EIF1AD: variants seen among roughly 807,000 people sequenced by gnomAD.
EIF1AD encodes eukaryotic translation initiation factor 1A domain containing.
In EIF1AD, 9 loss-of-function variants were observed where a neutral mutation model predicts 21.7. The ratio of observed to expected loss-of-function variants is 0.41; its 90% confidence interval spans 0.25 to 0.72. EIF1AD has a LOEUF of 0.72. EIF1AD is among the 30% of genes least tolerant of loss of function. The pLI is 0.29. For missense variants in EIF1AD, 164 were observed against 199.7 expected, an observed-to-expected ratio of 0.82 and a Z score of 1.08; for synonymous variants, 78 against 70.9, an observed-to-expected ratio of 1.10 and a Z score of -0.50.
rs1855790512 is a variant in EIF1AD at position 65,997,954 on chromosome 11, T to C, written c.*645A>G. On this transcript the variant is annotated 3_prime_UTR_variant, in exon 6 of 6. Coordinates refer to ENST00000533544, the MANE Select transcript of EIF1AD (RefSeq NM_001242481.2). ...GGACCATTCAAAACAAAGTTAAGGA[T>C]AGAGAGATTTGCCAGCCACCTTCTG... The C allele has an allele frequency of 6.6e-6, 1 of 152,162 alleles. No individual in the cohort carries two copies. Among genetic ancestry groups the C allele is most frequent in the African/African-American group, 2.4e-5 (1 of 41,354 alleles). The allele number at this position is 152,162 out of a possible 1,614,324, so 9.4% of individuals were successfully genotyped here. A position where few individuals can be genotyped will look rare whatever the true frequency, so the allele number is the denominator to read the frequency against.
chr11:65,998,470 T>C lies in EIF1AD; in HGVS notation c.*129A>G. 2.6e-6 allele frequency: 3 copies of C among 1,161,298 alleles called. No individual in the cohort carries two copies. The highest frequency in any genetic ancestry group is 3.5e-6 in the Non-Finnish European group (3 of 847,568). 71.9% of individuals were successfully genotyped at this position (1,161,298 alleles called of 1,614,324 possible). ...GGGTTTAATTCTCTGAATCAAAAGA[T>C]CAGTTCAGAGAGGAGCCCTGCTTTG... On this transcript the variant is annotated 3_prime_UTR_variant, in exon 6 of 6. Transcript: ENST00000533544.
Position 65,999,613 on chromosome 11 carries a change from C to T in EIF1AD, c.259G>A (p.Val87Met). 1 of 1,614,054 alleles carries T rather than the reference C, an allele frequency of 6.2e-7. No individual in the cohort carries two copies. Among genetic ancestry groups the T allele is most frequent in the Non-Finnish European group, 8.5e-7 (1 of 1,180,022 alleles). The change falls in exon 4 of 6, where the codon GTG (valine) becomes ATG (methionine). Residue 87 changes from valine (V) to methionine (M), a missense_variant. Transcript: ENST00000533544. ...GAGCGCACGTGGTCCTTGCAGAGCA[C>T]AAACGAGATTTCAGCCTTCACCTTT... is the stretch of plus-strand genomic sequence containing the variant. ...GEKVKAEISF[V>M]LCKDHVRSLQ... is the part of the protein sequence containing the mutation.
intron 1 of EIF1AD, among the ~76,000 whole-genome samples, 159 bp downstream of exon 1, chr11:66,001,751 T>G (rs1855980841): frequency 6.6e-6 from 1 of 152,198 alleles, no homozygotes; most frequent in Admixed American, 6.5e-5. Context: ...AGCAGGCTTG[T>G]CTGCGACATT....
Position 65,998,521 on chromosome 11 carries a change from AGAG to A in EIF1AD, c.*75_*77del. The A allele has an allele frequency of 6.4e-7, 1 of 1,554,686 alleles. No individual in the cohort carries two copies. Among genetic ancestry groups the A allele is most frequent in the East Asian group, 2.2e-5 (1 of 44,462 alleles). On this transcript the variant is annotated 3_prime_UTR_variant, in exon 6 of 6. Transcript: ENST00000533544. ...TCCTCATGCAGGGGTGAAGATGTGCAGAGCACCCTGGGAATGTCCAAGCCCAGA... is the reference window on the plus strand; with the variant it reads ...TCCTCATGCAGGGGTGAAGATGTGCACACCCTGGGAATGTCCAAGCCCAGA...
rs77406922 is a variant in EIF1AD at position 65,998,777 on chromosome 11, C to T, written c.354-34G>A. 2.7e-3 allele frequency: 4,393 copies of T among 1,600,282 alleles called. 108 individuals carry two copies. The African/African-American group carries it at 0.053, about 19-fold the overall frequency. Reference sequence around the variant, plus strand: ...AGGGAAGAGAGCAGGGTTAGCCCAGCGCCTTCTGGGAAAATAATATCTACA... The same window carrying T: ...AGGGAAGAGAGCAGGGTTAGCCCAGTGCCTTCTGGGAAAATAATATCTACA... On this transcript the variant is annotated intron_variant, in intron 5 of 5. Coordinates refer to ENST00000533544, the MANE Select transcript of EIF1AD (RefSeq NM_001242481.2).
chr11:66,000,891 G>C (rs1370525779), intron 1 of EIF1AD: 1 of 160,452 alleles, frequency 6.2e-6, no homozygotes, highest in African/African-American at 2.4e-5. Context: ...CATTGTATGA[G>C]AAAGCACTGT....
At position 65,998,551 on chromosome 11, in the gene EIF1AD, G is replaced by A; in HGVS notation, c.*48C>T. Reference sequence around the variant, plus strand: ...ACCCTGGGAATGTCCAAGCCCAGAAGAGCCAGGGGCCAGTCCCTGAGCAAG... The same window carrying A: ...ACCCTGGGAATGTCCAAGCCCAGAAAAGCCAGGGGCCAGTCCCTGAGCAAG... On this transcript the variant is annotated 3_prime_UTR_variant, in exon 6 of 6. Transcript: ENST00000533544. 1.9e-6 allele frequency: 3 copies of A among 1,603,226 alleles called. No individual in the cohort carries two copies. Among genetic ancestry groups the A allele is most frequent in the Non-Finnish European group, 2.6e-6 (3 of 1,174,858 alleles).
chr11:66,001,058 G>C (rs1441969072), intron 1 of EIF1AD, among the ~76,000 whole-genome samples: 3 of 152,034 alleles, frequency 2.0e-5, no homozygotes, highest in South Asian at 4.2e-4. Context: ...CTTAAGACAC[G>C]AGTCTGCCGA....
In EIF1AD at chr11:65,996,748, T is replaced by C. The variant is rs1855738121; in HGVS notation, c.*1851A>G. 1 of 152,074 alleles carries C rather than the reference T, an allele frequency of 6.6e-6. No homozygotes were observed. The allele number at this position is 152,074 out of a possible 1,614,324, so 9.4% of individuals were successfully genotyped here. The stretch of plus-strand genomic sequence containing the variant: ...CACGCCTGTTTCAGAAATGGGAGAT[T>C]CTACAGCACGCTCGACACTAACACA... On this transcript the variant is annotated 3_prime_UTR_variant, in exon 6 of 6. Transcript: ENST00000533544.
Position 65,999,625 on chromosome 11 carries a change from C to G in EIF1AD, c.247G>C (p.Glu83Gln). Residue 83 changes from glutamate (E) to glutamine (Q), a missense_variant, in exon 4 of 6, where the codon GAA (glutamate) becomes CAA (glutamine). Physicochemically the swap from Glu to Gln is conservative, Grantham distance 29. Transcript: ENST00000533544. ...TCCTTGCAGAGCACAAACGAGATTT[C>G]AGCCTTCACCTTTTCTCCCTCTTCA... Reference protein sequence around the residue: ...PIEEGEKVKAEISFVLCKDHV... With the variant: ...PIEEGEKVKAQISFVLCKDHV... 1 of 1,614,072 alleles carries G rather than the reference C, an allele frequency of 6.2e-7. No individual in the cohort carries two copies. Among genetic ancestry groups the G allele is most frequent in the Non-Finnish European group, 8.5e-7 (1 of 1,180,030 alleles).
intron 3 of EIF1AD, 80 bp downstream of exon 3, chr11:65,999,970 CATT>C: frequency 1.8e-6 from 2 of 1,130,004 alleles, no homozygotes; most frequent in South Asian, 1.3e-5. Flanking sequence ...GACAAGGTCT[CATT>C]ATGCTGCCCA....
At chr11:66,000,204 A>G (rs375615308) in intron 2 of EIF1AD, 43 bp from the exon 3 acceptor site, 9 of 1,607,534 alleles carry the variant, frequency 5.6e-6, no homozygotes, top group African/African-American at 2.7e-5. Flanking sequence ...CAGTCAGATC[A>G]AACACCCTCT....
In EIF1AD at chr11:65,997,571, T is replaced by A. The variant is rs1194437801; in HGVS notation, c.*1028A>T. On this transcript the variant is annotated 3_prime_UTR_variant, in exon 6 of 6. Coordinates refer to ENST00000533544, the MANE Select transcript of EIF1AD (RefSeq NM_001242481.2). ...CCAGAGTAGATCTGCTGGGCAGTGC[T>A]TAGTGTCCATCTGAGGTTTGTAATG... The A allele has an allele frequency of 6.6e-6, 1 of 152,202 alleles. No homozygotes were observed. Among genetic ancestry groups the A allele is most frequent in the Non-Finnish European group, 1.5e-5 (1 of 68,058 alleles). The allele number at this position is 152,202 out of a possible 1,614,324, so 9.4% of individuals were successfully genotyped here.
Position 66,000,335 on chromosome 11 carries a change from T to C in EIF1AD, c.55A>G (p.Ile19Val), listed in dbSNP as rs1183085014. The change falls in exon 2 of 6, where the codon ATA becomes GTA. Residue 19 changes from isoleucine to valine, a missense_variant. By Grantham distance (29) the Ile-to-Val change is conservative. Coordinates refer to ENST00000533544, the MANE Select transcript of EIF1AD (RefSeq NM_001242481.2). Reference protein sequence around the residue: ...HVVKEVLGEHIVPSDQQQIVR... With the variant: ...HVVKEVLGEHVVPSDQQQIVR... ...ATCTGCTGCTGGTCGGAGGGCACTA[T>C]GTGCTCCCCTAGCACCTCCTTCACC... The C allele has an allele frequency of 3.1e-6, 5 of 1,613,376 alleles. No individual in the cohort carries two copies. Among genetic ancestry groups the C allele is most frequent in the Admixed American group, 1.7e-5 (1 of 59,938 alleles).
Position 65,998,673 on chromosome 11 carries a change from C to G in EIF1AD, c.424G>C (p.Asp142His). ...CTGCGGTTTGTGTTAACAAACAGGTCAGAATCATCTTCTGAGCTGGACTCC... is the reference window on the plus strand; with the variant it reads ...CTGCGGTTTGTGTTAACAAACAGGTGAGAATCATCTTCTGAGCTGGACTCC... ...GEESSSEDDS[D>H]LFVNTNRRQY... Residue 142 changes from aspartate to histidine, a missense_variant, in exon 6 of 6, where the codon GAC (aspartate) becomes CAC (histidine). Asp to His is a moderately conservative substitution (Grantham distance 81, BLOSUM62 -1). Coordinates refer to ENST00000533544, the MANE Select transcript of EIF1AD (RefSeq NM_001242481.2). 4 of 1,614,168 alleles carry G rather than the reference C, an allele frequency of 2.5e-6. No homozygotes were observed. The highest frequency in any genetic ancestry group is 3.4e-6 in the Non-Finnish European group (4 of 1,180,040).
At position 65,996,938 on chromosome 11, in the gene EIF1AD, C is replaced by G. The variant is rs995540115; in HGVS notation, c.*1661G>C. The G allele has an allele frequency of 2.6e-5, 4 of 152,396 alleles. No homozygotes were observed. The highest frequency in any genetic ancestry group is 2.0e-4 in the Admixed American group (3 of 15,294). The allele number at this position is 152,396 out of a possible 1,614,324, so 9.4% of individuals were successfully genotyped here. On this transcript the variant is annotated 3_prime_UTR_variant, in exon 6 of 6. Coordinates refer to ENST00000533544, the MANE Select transcript of EIF1AD (RefSeq NM_001242481.2). ...GGGCACAGTGGCTCACACCTGTAAT[C>G]CCAGCACTCTAGGAGGCCAAGGTGG...
intron 5 of EIF1AD, 151 bp downstream of exon 5, chr11:65,999,199 A>C: frequency 9.3e-7 from 1 of 1,078,408 alleles, no homozygotes; most frequent in East Asian, 2.4e-5. Flanking sequence ...CTGACCTTCA[A>C]ACCCCATTCA....
chr11:65,998,111 C>A lies in EIF1AD; in HGVS notation c.*488G>T. On this transcript the variant is annotated 3_prime_UTR_variant, in exon 6 of 6. Coordinates refer to ENST00000533544, the MANE Select transcript of EIF1AD (RefSeq NM_001242481.2). ...GAACAGCACGAGGCACCATGGGCTC[C>A]TGAGCGTCTCTTAGAGGCAGGTGGG... 1 of 154,258 alleles carries A rather than the reference C, an allele frequency of 6.5e-6. No homozygotes were observed. The highest frequency in any genetic ancestry group is 1.4e-5 in the Non-Finnish European group (1 of 69,312). The allele number at this position is 154,258 out of a possible 1,614,324, so 9.6% of individuals were successfully genotyped here.
At chr11:66,001,651 T>C (rs561907010) in intron 1 of EIF1AD, among the ~76,000 whole-genome samples, 69 of 152,108 alleles carry the variant, frequency 4.5e-4, no homozygotes, top group African/African-American at 1.7e-3. Flanking sequence ...AACAGAGAAG[T>C]TCAGTCTGGC....
Sources: gnomAD v4.1 joint callset for allele counts (sites outside exome capture counted in the v4.1 genomes callset) on GRCh38, gnomAD v4.1.1 for gene constraint, MANE v1.5 for transcripts, NCBI Gene and HGNC (gene_info 2026-07-23, HGNC 2026-07-21) for gene names.